The following PCDHA10 variants were observed in gnomAD, a reference collection of about 807,000 sequenced individuals.
The protein encoded by PCDHA10 is protocadherin alpha-10.
A neutral mutation model predicts 61.2 loss-of-function variants in PCDHA10; 45 were observed. That is an observed-to-expected ratio of 0.74 (90% CI 0.58 to 0.94). The LOEUF is 0.94. Ranked by LOEUF, PCDHA10 falls within the 40% of genes least tolerant of loss-of-function variation. The probability of loss-of-function intolerance (pLI) is 0.00; values close to 1 mark genes in which losing one functional copy is unlikely to be tolerated. For synonymous variants in PCDHA10, 602 were observed against 548.8 expected, an observed-to-expected ratio of 1.10 and a Z score of -1.35; for missense variants, 1,278 against 1,236.2, an observed-to-expected ratio of 1.03 and a Z score of -0.51.
At chr5:140,936,552 T>C (rs1408956922) in intron 1 of PCDHA10, among the ~76,000 whole-genome samples, 5 of 152,234 alleles carry the variant, frequency 3.3e-5, no homozygotes, top group Admixed American at 3.3e-4. Flanking sequence ...AATGTAGAAG[T>C]CAAGATTTAT....
Position 140,882,403 on chromosome 5 carries a change from G to A in PCDHA10, c.2388+23967G>A, listed in dbSNP as rs536389638. ...AGGAAGCAAAACACGGCACCTTCGTGGGCCGCATCGCTCAGGACCTGGGGC... is the reference window on the plus strand; with the variant it reads ...AGGAAGCAAAACACGGCACCTTCGTAGGCCGCATCGCTCAGGACCTGGGGC... On this transcript the variant is annotated intron_variant, in intron 1 of 3. Transcript: ENST00000307360. 1.9e-5 allele frequency: 31 copies of A among 1,614,168 alleles called. No homozygotes were observed. In the South Asian group the frequency reaches 3.3e-4, roughly 17 times the overall value.
At chr5:140,979,563 C>T (rs1480899524) in intron 2 of PCDHA10, among the ~76,000 whole-genome samples, 1 of 152,174 alleles carries the variant, frequency 6.6e-6, no homozygotes, top group African/African-American at 2.4e-5. Context: ...GAAGATGAGC[C>T]ATGTAAAGGG....
chr5:140,882,705 G>T, intron 1 of PCDHA10: 1 of 1,614,172 alleles, frequency 6.2e-7, no homozygotes, highest in South Asian at 1.1e-5. Flanking sequence ...GCAGAATCTA[G>T]ACCTCCGGAA....
intron 3 of PCDHA10, among the ~76,000 whole-genome samples, chr5:141,005,737 G>GATGAGAA (rs1365089563): frequency 2.8e-5 from 4 of 143,576 alleles, no homozygotes; most frequent in Non-Finnish European, 6.0e-5. Context: ...AAAAAGAATG[G>GATGAGAA]ATGAGAAATC....
chr5:140,996,814 G>T (rs1186688734), intron 3 of PCDHA10, among the ~76,000 whole-genome samples: 1 of 152,144 alleles, frequency 6.6e-6, no homozygotes, highest in African/African-American at 2.4e-5. Flanking sequence ...CTTTCCAAAA[G>T]TAACCACTAC....
At chr5:140,882,545 G>C (rs1174281421) in intron 1 of PCDHA10, 1 of 1,614,120 alleles carries the variant, frequency 6.2e-7, no homozygotes, top group African/African-American at 1.3e-5. Flanking sequence ...GATCGACCGC[G>C]AGGAGCTGTG....
At chr5:140,914,414 C>A (rs1554196336) in intron 1 of PCDHA10, among the ~76,000 whole-genome samples, 1 of 152,038 alleles carries the variant, frequency 6.6e-6, no homozygotes, top group African/African-American at 2.4e-5. Context: ...GTTTTGTTTC[C>A]ATTAGCAAGG....
chr5:140,932,222 A>T (rs2088129167), intron 1 of PCDHA10, among the ~76,000 whole-genome samples: 1 of 151,870 alleles, frequency 6.6e-6, no homozygotes, highest in African/African-American at 2.4e-5. Flanking sequence ...GGCAATTTAA[A>T]TTTTTTAGAA....
Position 140,857,466 on chromosome 5 carries a change from T to C in PCDHA10, c.1418T>C (p.Ile473Thr). 3 of 1,598,502 alleles carry C rather than the reference T, an allele frequency of 1.9e-6. No individual in the cohort carries two copies. The highest frequency in any genetic ancestry group is 2.6e-6 in the Non-Finnish European group (3 of 1,167,862). The change falls in exon 1 of 4, where the codon ATC becomes ACC. Residue 473 changes from isoleucine to threonine, a missense_variant. Transcript: ENST00000307360. ...GAGAACAACCCGCCAGGCTGCCACA[T>C]CTTCACGGTGTCTGCGTGGGACGCG... ...VKENNPPGCH[I>T]FTVSAWDADA...
At chr5:140,911,866 T>A (rs139180139) in intron 1 of PCDHA10, among the ~76,000 whole-genome samples, 31 of 152,320 alleles carry the variant, frequency 2.0e-4, no homozygotes, top group Non-Finnish European at 4.3e-4. Context: ...TCTGTTCTTC[T>A]GGAACCACTC....
At chr5:140,938,469 T>C (rs1172900934) in intron 1 of PCDHA10, among the ~76,000 whole-genome samples, 1 of 152,218 alleles carries the variant, frequency 6.6e-6, no homozygotes, top group South Asian at 2.1e-4. Flanking sequence ...TAATTTATTA[T>C]GTTTTTTAAA....
chr5:140,984,658 A>G (rs1421972508), intron 3 of PCDHA10, among the ~76,000 whole-genome samples: 1 of 152,146 alleles, frequency 6.6e-6, no homozygotes, highest in Non-Finnish European at 1.5e-5. Flanking sequence ...TCCTTCTGGT[A>G]CTTTTAGGTT....
In PCDHA10 at chr5:140,883,753, G is replaced by A. The variant is rs945452765; in HGVS notation, c.2388+25317G>A. 5 of 1,613,010 alleles carry A rather than the reference G, an allele frequency of 3.1e-6. No homozygotes were observed. The African/African-American group carries it at 5.3e-5, about 17-fold the overall frequency. ...ACGCGCTGGTCTCCTACTCGCTGGT[G>A]GAGCGGCGGGTGGGCGAGCGTGCGC... is the stretch of plus-strand genomic sequence containing the variant. On this transcript the variant is annotated intron_variant, in intron 1 of 3. Transcript: ENST00000307360.
chr5:140,856,834 G>T lies in PCDHA10; in HGVS notation c.786G>T (p.Arg262=), dbSNP rs2044233104. 1 of 1,591,808 alleles carries T rather than the reference G, an allele frequency of 6.3e-7. No homozygotes were observed. The highest frequency in any genetic ancestry group is 8.6e-7 in the Non-Finnish European group (1 of 1,162,096). ...ENQVNQTLVI[R]LNASDSDEGI... is the part of the protein sequence containing the mutation. Reference sequence around the variant, plus strand: ...AAGTGAACCAAACATTAGTAATACGGCTCAACGCTTCTGATTCGGATGAAG... The same window carrying T: ...AAGTGAACCAAACATTAGTAATACGTCTCAACGCTTCTGATTCGGATGAAG... The change falls in exon 1 of 4, where the codon CGG becomes CGT. Residue 262 remains arginine (R), a synonymous_variant. Transcript: ENST00000307360.
chr5:140,999,176 T>A (rs546665453), intron 3 of PCDHA10, among the ~76,000 whole-genome samples: 1 of 152,274 alleles, frequency 6.6e-6, no homozygotes, highest in African/African-American at 2.4e-5. Context: ...AAGAGCCTGA[T>A]GGGGAGAGGG....
At chr5:140,933,692 C>T (rs2089349269) in intron 1 of PCDHA10, among the ~76,000 whole-genome samples, 1 of 151,798 alleles carries the variant, frequency 6.6e-6, no homozygotes, top group African/African-American at 2.4e-5. Context: ...TTTCCTATTC[C>T]TCGGACACAT....
intron 1 of PCDHA10, among the ~76,000 whole-genome samples, chr5:140,904,951 T>C (rs1468765932): frequency 6.6e-6 from 1 of 152,188 alleles, no homozygotes; most frequent in Non-Finnish European, 1.5e-5. Context: ...GTCCTTTGTC[T>C]GATGCAGAAT....
At chr5:140,869,615 G>T in intron 1 of PCDHA10, 2 of 1,613,858 alleles carry the variant, frequency 1.2e-6, no homozygotes, top group Non-Finnish European at 1.7e-6. Flanking sequence ...TTGACCTACA[G>T]GCTAAGTAAA....
At chr5:141,008,435 G>C (rs2098377041) in intron 3 of PCDHA10, among the ~76,000 whole-genome samples, 1 of 152,160 alleles carries the variant, frequency 6.6e-6, no homozygotes, top group South Asian at 2.1e-4. Context: ...ACTTTGCCCA[G>C]ACAGACCATT....
Sources: allele counts gnomAD v4.1 joint callset (sites outside exome capture counted in the v4.1 genomes callset), GRCh38; gene constraint gnomAD v4.1.1; transcripts MANE v1.5; gene names NCBI Gene and HGNC (gene_info 2026-07-23, HGNC 2026-07-21).